The following DTX1 variants were observed in gnomAD, a reference collection of about 807,000 sequenced individuals.
DTX1 encodes E3 ubiquitin-protein ligase DTX1.
Under a neutral mutation model 57.8 loss-of-function variants are expected in DTX1, and 26 were observed. That is an observed-to-expected ratio of 0.45 (90% CI 0.33 to 0.62). DTX1 has a LOEUF of 0.62. DTX1 is among the 20% of genes least tolerant of loss of function. The pLI is 0.02. For synonymous variants in DTX1, 398 were observed against 394.1 expected (o/e 1.01, Z -0.12); for missense variants, 704 against 895.3 (o/e 0.79, Z 2.73).
intron 2 of DTX1, 74 bp downstream of exon 2, chr12:113,058,525 C>T (rs2044646474): frequency 1.3e-6 from 2 of 1,527,168 alleles, no homozygotes; most frequent in Non-Finnish European, 1.8e-6. Context: ...TGCTGAAAAT[C>T]CCAGTAAATC....
chr12:113,078,182 AG>A, intron 3 of DTX1, 77 bp downstream of exon 3: 2 of 1,098,416 alleles, frequency 1.8e-6, no homozygotes, highest in Non-Finnish European at 2.3e-6. Flanking sequence ...GTTGGCCACT[AG>A]GGCAGGAGCA....
Position 113,094,881 on chromosome 12 carries a change from C to T in DTX1, c.1320C>T (p.Arg440=). ...HKGVRPELVG[R]LGRCGHMYHL... Reference sequence around the variant, plus strand: ...GCGTGCGGCCTGAGCTCGTGGGCCGCCTGGGCCGCTGTGGCCACATGTACC... The same window carrying T: ...GCGTGCGGCCTGAGCTCGTGGGCCGTCTGGGCCGCTGTGGCCACATGTACC... The change falls in exon 7 of 10, where the codon CGC becomes CGT. Residue 440 remains arginine (R), a synonymous_variant. Coordinates refer to ENST00000548759, the MANE Select transcript of DTX1 (RefSeq NM_004416.3). 1 of 1,613,720 alleles carries T rather than the reference C, an allele frequency of 6.2e-7. No homozygotes were observed. The highest frequency in any genetic ancestry group is 8.5e-7 in the Non-Finnish European group (1 of 1,180,004).
intron 2 of DTX1, among the ~76,000 whole-genome samples, chr12:113,071,763 C>T (rs1011536637): frequency 2.0e-5 from 3 of 152,236 alleles, no homozygotes; most frequent in Non-Finnish European, 1.5e-5. Context: ...CAGCCTGGGC[C>T]GGAGAGGCGG....
intron 2 of DTX1, among the ~76,000 whole-genome samples, chr12:113,066,102 C>A (rs55683465): frequency 0.027 from 4,178 of 152,294 alleles, 103 homozygotes; most frequent in African/African-American, 0.064. Context: ...CAGACACCCC[C>A]AGCAGCCCCT....
At position 113,057,742 on chromosome 12, in the gene DTX1, C is replaced by CA; in HGVS notation, c.-448dup. 5.9e-6 allele frequency: 1 copy of CA among 169,154 alleles called. No homozygotes were observed. The highest frequency in any genetic ancestry group is 1.7e-4 in the East Asian group (1 of 5,862). The allele number at this position is 169,154 out of a possible 1,614,324, so 10.5% of individuals were successfully genotyped here. A position where few individuals can be genotyped will look rare whatever the true frequency, so the allele number is the denominator to read the frequency against. ...AGGGTCTGGGACGCAGTTGGGAGTG[C>CA]AAAGGGCTGGCTGAGAGCCGCAGGA... On this transcript the variant is annotated 5_prime_UTR_variant, in exon 2 of 10. Coordinates refer to ENST00000548759, the MANE Select transcript of DTX1 (RefSeq NM_004416.3).
chr12:113,094,982 A>G (rs1243847760), intron 7 of DTX1, 35 bp downstream of exon 7: 1 of 1,606,550 alleles, frequency 6.2e-7, no homozygotes, highest in Non-Finnish European at 8.5e-7. Flanking sequence ...AGGAGTGGGC[A>G]GGGAACGGAG....
rs149588946 is a variant in DTX1 at position 113,075,092 on chromosome 12, T to C, written c.260-2332T>C. 3.2e-4 allele frequency among the ~76,000 whole-genome samples: 49 copies of C among 152,304 alleles called. No homozygotes were observed. The East Asian group carries it at 7.5e-3, about 23-fold the overall frequency. On this transcript the variant is annotated intron_variant, in intron 2 of 9. Coordinates refer to ENST00000548759, the MANE Select transcript of DTX1 (RefSeq NM_004416.3). ...AGAGTAGACACGGTATTTATCTCAA[T>C]TGATCCTCTCAGCAACCCCACAAGC...
intron 2 of DTX1, among the ~76,000 whole-genome samples, chr12:113,065,090 G>T (rs1157710973): frequency 6.6e-6 from 1 of 152,196 alleles, no homozygotes; most frequent in Non-Finnish European, 1.5e-5. Context: ...CTGGGGCCTG[G>T]CAGGCTGGGC....
At chr12:113,062,162 A>G (rs983302932) in intron 2 of DTX1, among the ~76,000 whole-genome samples, 1 of 152,136 alleles carries the variant, frequency 6.6e-6, no homozygotes, top group Non-Finnish European at 1.5e-5. Context: ...AAAATTCTTG[A>G]TATGTTCATT....
At chr12:113,064,664 CT>C (rs1192543553) in intron 2 of DTX1, among the ~76,000 whole-genome samples, 1 of 152,142 alleles carries the variant, frequency 6.6e-6, no homozygotes, top group African/African-American at 2.4e-5. Flanking sequence ...TTATTTCCTC[CT>C]CTGTAAAATG....
Position 113,093,363 on chromosome 12 carries a change from C to T in DTX1, c.1003+140C>T. ...GCCCCCTTCCACTGGGCCCAGGACA[C>T]AGGGCGGGCGTGGCCCGCAGAAAGG... On this transcript the variant is annotated intron_variant, in intron 4 of 9. Coordinates refer to ENST00000548759, the MANE Select transcript of DTX1 (RefSeq NM_004416.3). The surrounding 1 kb of genome is among the most constrained non-coding windows in gnomAD (Gnocchi z 4.2). The T allele has an allele frequency of 7.5e-7, 1 of 1,337,898 alleles. No individual in the cohort carries two copies. Among genetic ancestry groups the T allele is most frequent in the Non-Finnish European group, 1.0e-6 (1 of 997,728 alleles). 82.9% of individuals were successfully genotyped at this position (1,337,898 alleles called of 1,614,324 possible).
At chr12:113,074,895 A>G (rs983028437) in intron 2 of DTX1, among the ~76,000 whole-genome samples, 1 of 152,194 alleles carries the variant, frequency 6.6e-6, no homozygotes, top group African/African-American at 2.4e-5. Flanking sequence ...GAGCATCCGG[A>G]AGCGCAGGAG....
At chr12:113,065,435 G>T (rs2044697487) in intron 2 of DTX1, among the ~76,000 whole-genome samples, 1 of 152,046 alleles carries the variant, frequency 6.6e-6, no homozygotes, top group Admixed American at 6.5e-5. Flanking sequence ...TCAACGACCC[G>T]CCCGCGCCTT....
intron 3 of DTX1, among the ~76,000 whole-genome samples, chr12:113,086,679 G>A (rs1421135781): frequency 6.6e-6 from 1 of 151,728 alleles, no homozygotes; most frequent in Non-Finnish European, 1.5e-5. Context: ...ATTTCTTGCA[G>A]TGATTTTATG....
At chr12:113,059,486 T>A (rs1367804684) in intron 2 of DTX1, among the ~76,000 whole-genome samples, 1 of 152,158 alleles carries the variant, frequency 6.6e-6, no homozygotes, top group Non-Finnish European at 1.5e-5. Context: ...ATGATGGAGA[T>A]AAAATCGATG....
intron 3 of DTX1, among the ~76,000 whole-genome samples, chr12:113,082,007 C>A (rs1314853638): frequency 6.6e-6 from 1 of 152,040 alleles, no homozygotes; most frequent in African/African-American, 2.4e-5. Flanking sequence ...AGGAAGTTTT[C>A]TCTTTGGGGG....
chr12:113,072,894 C>T (rs577366323), intron 2 of DTX1, among the ~76,000 whole-genome samples: 55 of 151,658 alleles, frequency 3.6e-4, no homozygotes, highest in African/African-American at 9.2e-4. Flanking sequence ...TAGTAGAGAT[C>T]GGGGGTTTCA....
rs1404373700 is a variant in DTX1 at position 113,081,622 on chromosome 12, G to T, written c.941+3517G>T. ...ATTCAGGGAAAATCCCTCTGAGGAG[G>T]TGGCCAGATGTGGAGAACAGCTGAT... On this transcript the variant is annotated intron_variant, in intron 3 of 9. Coordinates refer to ENST00000548759, the MANE Select transcript of DTX1 (RefSeq NM_004416.3). 1.6e-4 allele frequency among the ~76,000 whole-genome samples: 25 copies of T among 152,162 alleles called. 1 individual carries two copies. The highest frequency in any genetic ancestry group is 1.6e-3 in the Admixed American group (25 of 15,274).
At chr12:113,066,139 G>A (rs1260728048) in intron 2 of DTX1, among the ~76,000 whole-genome samples, 4 of 152,202 alleles carry the variant, frequency 2.6e-5, no homozygotes, top group African/African-American at 9.6e-5. Flanking sequence ...CATCAACTGA[G>A]GACATGGGGC....
Sources: allele counts gnomAD v4.1 joint callset (sites outside exome capture counted in the v4.1 genomes callset), GRCh38; gene constraint gnomAD v4.1.1; non-coding constraint Gnocchi (gnomAD v3.1); transcripts MANE v1.5; gene names NCBI Gene and HGNC (gene_info 2026-07-23, HGNC 2026-07-21).